The following HIVEP3 variants were observed in gnomAD, a reference collection of about 807,000 sequenced individuals.
HIVEP3 encodes the protein transcription factor HIVEP3.
A neutral mutation model predicts 152.8 loss-of-function variants in HIVEP3; 49 were observed. The ratio of observed to expected loss-of-function variants is 0.32; its 90% CI spans 0.26 to 0.41. HIVEP3 has a LOEUF of 0.41. HIVEP3 is among the 10% of genes least tolerant of loss of function. The pLI is 1.00. For missense variants in HIVEP3, 2,790 were observed against 3,103.3 expected (o/e 0.90, Z 2.40); for synonymous variants, 1,269 against 1,289.0 (o/e 0.98, Z 0.33).
At position 41,513,522 on chromosome 1, in the gene HIVEP3, G is replaced by T; in HGVS notation, c.5699C>A (p.Pro1900His). ...AGAGGCGGGGGCATCTGGGGGCTGAGGGCCCAGGATGGGTGAGGAGTCTGC... is the reference window on the plus strand; with the variant it reads ...AGAGGCGGGGGCATCTGGGGGCTGATGGCCCAGGATGGGTGAGGAGTCTGC... Reference protein sequence around the residue: ...LRADSSPILGPQPPDAPASGT... With the variant: ...LRADSSPILGHQPPDAPASGT... The change falls in exon 8 of 9, where the codon CCT (proline) becomes CAT (histidine). Residue 1900 changes from proline (P) to histidine (H), a missense_variant. Pro to His is a moderately conservative substitution (Grantham distance 77). This residue lies in a region of HIVEP3 where 816 missense variants were observed against 806.5 expected (regional missense o/e 1.01). Transcript: ENST00000372583. 1.2e-6 allele frequency: 2 copies of T among 1,604,826 alleles called. No individual in the cohort carries two copies.
chr1:41,647,007 T>C (rs990682786), intron 2 of HIVEP3, among the ~76,000 whole-genome samples: 1 of 152,166 alleles, frequency 6.6e-6, no homozygotes, highest in African/African-American at 2.4e-5. Flanking sequence ...CCAGGTCAAG[T>C]CTTTCTCACA....
intron 3 of HIVEP3, among the ~76,000 whole-genome samples, chr1:41,615,643 G>A (rs532862510): frequency 6.6e-6 from 1 of 152,248 alleles, no homozygotes; most frequent in South Asian, 2.1e-4. Flanking sequence ...TGTGGGCAGA[G>A]AGGCACAGGG....
chr1:41,683,939 T>C (rs915168691), intron 2 of HIVEP3, among the ~76,000 whole-genome samples: 6 of 152,134 alleles, frequency 3.9e-5, no homozygotes, highest in Non-Finnish European at 8.8e-5. Flanking sequence ...GCAAGTTGTG[T>C]GGGGTGCAGG....
intron 2 of HIVEP3, among the ~76,000 whole-genome samples, chr1:41,666,122 CGTGT>C (rs60976179): frequency 2.1e-4 from 32 of 149,784 alleles, no homozygotes; most frequent in Admixed American, 1.0e-3. Context: ...GGTGTGTGTG[CGTGT>C]GTGTGTGTGT....
chr1:41,685,037 G>A (rs1646094650), intron 2 of HIVEP3, among the ~76,000 whole-genome samples: 1 of 152,134 alleles, frequency 6.6e-6, no homozygotes, highest in African/African-American at 2.4e-5. Flanking sequence ...CTTCTCCCTG[G>A]ATTCCAGTCC....
At chr1:41,685,179 G>T (rs537927300) in intron 2 of HIVEP3, among the ~76,000 whole-genome samples, 3 of 152,302 alleles carry the variant, frequency 2.0e-5, no homozygotes, top group South Asian at 4.1e-4. Flanking sequence ...ATGGTGTTTT[G>T]CAAACTGTAC....
chr1:41,834,376 G>T (rs948482478), intron 1 of HIVEP3, among the ~76,000 whole-genome samples: 13 of 152,174 alleles, frequency 8.5e-5, no homozygotes, highest in African/African-American at 2.4e-4. Context: ...TGTGGGCTCT[G>T]TCTGGCTGCC....
At chr1:41,617,124 A>G (rs1205528811) in intron 3 of HIVEP3, among the ~76,000 whole-genome samples, 1 of 152,230 alleles carries the variant, frequency 6.6e-6, no homozygotes, top group Admixed American at 6.5e-5. Flanking sequence ...TTACAGCTGA[A>G]TGATGGACCA....
At chr1:41,861,223 A>G (rs1031330182) in intron 1 of HIVEP3, among the ~76,000 whole-genome samples, 2 of 152,246 alleles carry the variant, frequency 1.3e-5, no homozygotes, top group African/African-American at 4.8e-5. Context: ...GTCACTTTGT[A>G]GCTTGCCCGA....
chr1:42,011,143 G>C (rs1228180697), intron 1 of HIVEP3, among the ~76,000 whole-genome samples: 3 of 152,082 alleles, frequency 2.0e-5, no homozygotes, highest in Non-Finnish European at 4.4e-5. Flanking sequence ...CACCATTTCA[G>C]AAGATTCCAA....
chr1:41,898,602 C>T (rs1644571809), intron 1 of HIVEP3, among the ~76,000 whole-genome samples: 1 of 152,230 alleles, frequency 6.6e-6, no homozygotes, highest in Non-Finnish European at 1.5e-5. Context: ...TGCGTGCACA[C>T]ACACCCACCT....
chr1:41,823,014 C>T (rs72671236), intron 1 of HIVEP3, among the ~76,000 whole-genome samples: 19,990 of 152,174 alleles, frequency 0.13, 1,639 homozygotes, highest in Middle Eastern at 0.19. Context: ...GAGAAAGGCT[C>T]TTAAGGAAGT....
intron 1 of HIVEP3, among the ~76,000 whole-genome samples, chr1:42,022,697 T>G (rs1197256294): frequency 2.6e-5 from 4 of 152,180 alleles, no homozygotes; most frequent in African/African-American, 9.7e-5. Flanking sequence ...CTTTTATATA[T>G]CTCTTCTTTT....
chr1:41,774,152 C>T (rs1648544664), intron 1 of HIVEP3, among the ~76,000 whole-genome samples: 1 of 152,206 alleles, frequency 6.6e-6, no homozygotes, highest in Non-Finnish European at 1.5e-5. Context: ...AGGACAGTCA[C>T]TCCTGCACCT....
intron 2 of HIVEP3, among the ~76,000 whole-genome samples, chr1:41,661,822 C>A (rs932220278): frequency 6.6e-6 from 1 of 152,168 alleles, no homozygotes; most frequent in Non-Finnish European, 1.5e-5. Flanking sequence ...CCGTGCCAGG[C>A]GCGAGTGTGC....
intron 1 of HIVEP3, among the ~76,000 whole-genome samples, chr1:41,882,635 C>T (rs1414988979): frequency 6.6e-6 from 1 of 152,204 alleles, no homozygotes; most frequent in Non-Finnish European, 1.5e-5. Context: ...TCATACCACC[C>T]ATCACATTGG....
intron 1 of HIVEP3, among the ~76,000 whole-genome samples, chr1:41,872,271 A>T (rs1388465574): frequency 6.6e-6 from 1 of 152,254 alleles, no homozygotes; most frequent in Non-Finnish European, 1.5e-5. Context: ...CATAGTACAG[A>T]AAACGGAAGT....
chr1:41,948,374 G>C (rs1359062345), intron 1 of HIVEP3, among the ~76,000 whole-genome samples: 2 of 152,158 alleles, frequency 1.3e-5, no homozygotes, highest in Non-Finnish European at 2.9e-5. Context: ...GGAGAGAAAG[G>C]GAATTCCTAC....
intron 1 of HIVEP3, among the ~76,000 whole-genome samples, chr1:41,996,312 C>T (rs1165295902): frequency 6.6e-6 from 1 of 151,512 alleles, no homozygotes; most frequent in African/African-American, 2.4e-5. Context: ...ACTGCTTGAG[C>T]ACAAGAGTTT....
Sources: gnomAD v4.1 joint callset for allele counts (sites outside exome capture counted in the v4.1 genomes callset) on GRCh38, gnomAD v4.1.1 for gene constraint, gnomAD v4.1.1 regional missense constraint, MANE v1.5 for transcripts, NCBI Gene and HGNC (gene_info 2026-07-23, HGNC 2026-07-21) for gene names.